ZNF469: variants seen among roughly 807,000 people sequenced by gnomAD.
ZNF469 encodes the protein zinc finger protein 469.
A neutral mutation model predicts 1.0 loss-of-function variants in ZNF469; 1 was observed. That is an observed-to-expected ratio of 1.00 (90% CI 0.35 to 4.73). The LOEUF is 4.73. ZNF469 is among the 30% of genes most tolerant of loss of function. The probability of loss-of-function intolerance (pLI) is 0.16; values close to 1 mark genes in which losing one functional copy is unlikely to be tolerated. For synonymous variants in ZNF469, 2,703 were observed against 2,363.4 expected, an observed-to-expected ratio of 1.14 and a Z score of -4.17; for missense variants, 6,100 against 5,356.3, an observed-to-expected ratio of 1.14 and a Z score of -4.33.
chr16:88,133,209 C>T, the ZNF469 span, among the ~76,000 whole-genome samples: 3 of 152,266 alleles, frequency 2.0e-5, no homozygotes, highest in Non-Finnish European at 1.5e-5. Flanking sequence ...TGCCAGGGCT[C>T]CTTCCGCCCT....
the ZNF469 span, among the ~76,000 whole-genome samples, chr16:88,118,096 C>T: frequency 6.6e-6 from 1 of 152,330 alleles, no homozygotes; most frequent in African/African-American, 2.4e-5. Context: ...GCTCCCGCCA[C>T]CACACCTGGC....
At chr16:88,188,204 A>T in the ZNF469 span, among the ~76,000 whole-genome samples, 6 of 151,944 alleles carry the variant, frequency 3.9e-5, no homozygotes, top group Non-Finnish European at 7.4e-5. Context: ...CAAGGTCCAG[A>T]TCACGTCTCA....
chr16:88,209,356 C>G, the ZNF469 span, among the ~76,000 whole-genome samples: 320 of 151,686 alleles, frequency 2.1e-3, 1 homozygote, highest in African/African-American at 7.4e-3. Context: ...AGTGGCGCGA[C>G]CTTGACTCAC....
chr16:88,170,382 C>T, the ZNF469 span, among the ~76,000 whole-genome samples: 1 of 152,304 alleles, frequency 6.6e-6, no homozygotes, highest in South Asian at 2.1e-4. This position sits in a 1 kb window ranked among gnomAD's most constrained non-coding sequence, Gnocchi z 4.2. Flanking sequence ...ACTAGATCCC[C>T]AGGACATATT....
chr16:88,137,938 T>G, the ZNF469 span, among the ~76,000 whole-genome samples: 11 of 152,158 alleles, frequency 7.2e-5, no homozygotes, highest in Non-Finnish European at 1.0e-4. Context: ...CTAGGGGTGC[T>G]GTCTTGCCCA....
chr16:88,129,010 G>A, the ZNF469 span, among the ~76,000 whole-genome samples: 1 of 152,260 alleles, frequency 6.6e-6, no homozygotes, highest in Non-Finnish European at 1.5e-5. Flanking sequence ...TGTTTGCGTT[G>A]AATGATGGCG....
At position 88,437,601 on chromosome 16, in the gene ZNF469, C is replaced by T; in HGVS notation, c.10131C>T (p.His3377=). The change falls in exon 3 of 3, where the codon CAC becomes CAT. Residue 3377 remains histidine, a synonymous_variant. Coordinates refer to ENST00000565624, the MANE Select transcript of ZNF469 (RefSeq NM_001367624.2). ...GGTGCCCCCGGGTCTACCCCGAGCA[C>T]GGGGAGCTGCTGGCACACCTGGGCG... ...CPRCPRVYPE[H]GELLAHLGGA... is the part of the protein sequence containing the mutation. The T allele has an allele frequency of 1.3e-6, 2 of 1,537,282 alleles. No homozygotes were observed. The highest frequency in any genetic ancestry group is 1.7e-4 in the Middle Eastern group (1 of 5,958).
chr16:88,315,130 T>A, the ZNF469 span, among the ~76,000 whole-genome samples: 2 of 152,236 alleles, frequency 1.3e-5, no homozygotes, highest in Admixed American at 1.3e-4. Context: ...CCCTAGATTA[T>A]ATTTTGGTGA....
At chr16:88,153,274 G>T in the ZNF469 span, among the ~76,000 whole-genome samples, 1 of 152,184 alleles carries the variant, frequency 6.6e-6, no homozygotes, top group Non-Finnish European at 1.5e-5. Flanking sequence ...TCGCCTTCGT[G>T]GGGGGCCTGC....
At chr16:88,257,706 TC>T in the ZNF469 span, among the ~76,000 whole-genome samples, 1 of 152,178 alleles carries the variant, frequency 6.6e-6, no homozygotes, top group Non-Finnish European at 1.5e-5. Context: ...ATGTCTAGAT[TC>T]ATTGTTTGCA....
chr16:88,227,259 T>C, the ZNF469 span, among the ~76,000 whole-genome samples: 2 of 152,022 alleles, frequency 1.3e-5, no homozygotes, highest in Non-Finnish European at 1.5e-5. Flanking sequence ...TCCCACTGTC[T>C]CCCCAGGGCC....
chr16:88,261,505 G>T, the ZNF469 span, among the ~76,000 whole-genome samples: 32 of 152,348 alleles, frequency 2.1e-4, no homozygotes, highest in East Asian at 5.8e-3. The surrounding 1 kb of genome is among the most constrained non-coding windows in gnomAD (Gnocchi z 6.0). Flanking sequence ...TTCTGCTGAC[G>T]GATGGGCAGC....
chr16:88,169,274 T>C, the ZNF469 span, among the ~76,000 whole-genome samples: 1 of 152,172 alleles, frequency 6.6e-6, no homozygotes, highest in Non-Finnish European at 1.5e-5. This position sits in a 1 kb window ranked among gnomAD's most constrained non-coding sequence, Gnocchi z 6.1. Context: ...ATCCACACTT[T>C]CAATTGCTGC....
At chr16:88,333,726 G>A in the ZNF469 span, among the ~76,000 whole-genome samples, 1 of 133,506 alleles carries the variant, frequency 7.5e-6, no homozygotes, top group Non-Finnish European at 1.7e-5. Context: ...CCACGGATGC[G>A]GGCCCGCGAG....
At chr16:88,165,924 T>C in the ZNF469 span, among the ~76,000 whole-genome samples, 5 of 152,342 alleles carry the variant, frequency 3.3e-5, no homozygotes, top group Non-Finnish European at 5.9e-5. Context: ...CCGAGACTCA[T>C]CCACATGGGG....
chr16:88,256,720 T>TG, the ZNF469 span, among the ~76,000 whole-genome samples: 1 of 152,122 alleles, frequency 6.6e-6, no homozygotes, highest in Non-Finnish European at 1.5e-5. Context: ...CAGCATTTGG[T>TG]GTTGTCAGAG....
chr16:88,404,035 G>GC (rs1390420840), intron 1 of ZNF469, among the ~76,000 whole-genome samples: 2 of 152,208 alleles, frequency 1.3e-5, no homozygotes, highest in South Asian at 2.1e-4. Context: ...GGGGCCCAAA[G>GC]CCCCCCGACT....
the ZNF469 span, among the ~76,000 whole-genome samples, chr16:88,296,470 A>C: frequency 1.4e-5 from 2 of 147,342 alleles, no homozygotes; most frequent in Non-Finnish European, 3.0e-5. Flanking sequence ...CCCCACACAC[A>C]GTGCACAAAC....
chr16:88,393,099 A>T (rs987849013), intron 1 of ZNF469, among the ~76,000 whole-genome samples: 1 of 152,270 alleles, frequency 6.6e-6, no homozygotes, highest in Non-Finnish European at 1.5e-5. Context: ...CCTGGCAGGA[A>T]GCTGACCTCG....
Sources: allele counts gnomAD v4.1 joint callset (sites outside exome capture counted in the v4.1 genomes callset), GRCh38; gene constraint gnomAD v4.1.1; non-coding constraint Gnocchi (gnomAD v3.1); transcripts MANE v1.5; gene names NCBI Gene and HGNC (gene_info 2026-07-23, HGNC 2026-07-21).